Variants in PRKAR2B observed in about 807,000 individuals in gnomAD.
PRKAR2B encodes the protein protein kinase cAMP-dependent type II regulatory subunit beta, also known as cAMP-dependent protein kinase type II-beta regulatory subunit.
Under a neutral mutation model 49.9 loss-of-function variants are expected in PRKAR2B, and 14 were observed. The observed-to-expected ratio is 0.28, with a 90% CI of 0.19 to 0.44. The LOEUF (loss-of-function observed/expected upper bound fraction) is 0.44. Ranked by LOEUF, PRKAR2B falls within the 20% of genes least tolerant of loss-of-function variation. The pLI is 1.00. For synonymous variants in PRKAR2B, 196 were observed against 197.7 expected, an observed-to-expected ratio of 0.99 and a Z score of 0.07; for missense variants, 393 against 537.9, an observed-to-expected ratio of 0.73 and a Z score of 2.67.
intron 2 of PRKAR2B, among the ~76,000 whole-genome samples, chr7:107,071,716 C>T (rs909656580): frequency 2.0e-5 from 3 of 152,104 alleles, no homozygotes; most frequent in East Asian, 3.9e-4. Flanking sequence ...TACCTCAAAC[C>T]GTATGACATG....
chr7:107,057,065 C>T (rs898428439), intron 1 of PRKAR2B, among the ~76,000 whole-genome samples: 2 of 152,188 alleles, frequency 1.3e-5, no homozygotes, highest in African/African-American at 4.8e-5. Context: ...CCTGCTTTGT[C>T]CATTTCCATC....
chr7:107,099,607 CTGT>C (rs992761816), intron 2 of PRKAR2B, among the ~76,000 whole-genome samples: 1 of 151,668 alleles, frequency 6.6e-6, no homozygotes, highest in African/African-American at 2.4e-5. Context: ...TAGACTGGAG[CTGT>C]TCCTATTCGG....
chr7:107,074,089 A>G (rs1243672734), intron 2 of PRKAR2B, among the ~76,000 whole-genome samples: 1 of 152,022 alleles, frequency 6.6e-6, no homozygotes. Flanking sequence ...AAATAAAGTA[A>G]CAGAGAAATC....
intron 2 of PRKAR2B, among the ~76,000 whole-genome samples, chr7:107,111,174 C>G (rs1478800282): frequency 6.6e-6 from 1 of 152,052 alleles, no homozygotes; most frequent in Non-Finnish European, 1.5e-5. Context: ...GGGTGAGGTT[C>G]CTCTGCTTAA....
chr7:107,060,550 A>G (rs1184396340), intron 1 of PRKAR2B, among the ~76,000 whole-genome samples: 36 of 151,674 alleles, frequency 2.4e-4, no homozygotes. Context: ...ATTTTTTGCC[A>G]TTTTTCCCAT....
intron 2 of PRKAR2B, among the ~76,000 whole-genome samples, chr7:107,111,679 AT>A (rs1037614819): frequency 6.6e-5 from 10 of 152,220 alleles, no homozygotes; most frequent in South Asian, 2.1e-4. Flanking sequence ...ATTTATTTTA[AT>A]TTTTTTGTTG....
intron 1 of PRKAR2B, among the ~76,000 whole-genome samples, chr7:107,046,210 A>C (rs576835032): frequency 6.6e-6 from 1 of 152,206 alleles, no homozygotes; most frequent in Non-Finnish European, 1.5e-5. Context: ...TCTCATTTTT[A>C]TGGCAACCCA....
At chr7:107,146,822 G>T (rs1795902825) in intron 6 of PRKAR2B, among the ~76,000 whole-genome samples, 1 of 152,162 alleles carries the variant, frequency 6.6e-6, no homozygotes, top group Admixed American at 6.5e-5. Context: ...TGATAAAGTT[G>T]TGGCTCCCAG....
In PRKAR2B at chr7:107,045,156, C is replaced by T; in HGVS notation, c.249C>T (p.Ser83=). The T allele has an allele frequency of 6.7e-7, 1 of 1,495,718 alleles. No homozygotes were observed. Among genetic ancestry groups the T allele is most frequent in the Middle Eastern group, 2.4e-4 (1 of 4,212 alleles). The allele number at this position is 1,495,718 out of a possible 1,614,324, so 92.7% of individuals were successfully genotyped here. A position where few individuals can be genotyped will look rare whatever the true frequency, so the allele number is the denominator to read the frequency against. ...ACTTCGCCGAGGAGCCCATGCAGTC[C>T]GACTCCGAGGACGGGGAGGAGGAGG... ...GVNFAEEPMQ[S]DSEDGEEEEA... The change falls in exon 1 of 11, where the codon TCC becomes TCT. Residue 83 remains serine (S), a synonymous_variant. Coordinates refer to ENST00000265717, the MANE Select transcript of PRKAR2B (RefSeq NM_002736.3).
chr7:107,130,856 G>A (rs1032235898), intron 4 of PRKAR2B, among the ~76,000 whole-genome samples: 16 of 152,198 alleles, frequency 1.1e-4, no homozygotes, highest in Admixed American at 8.5e-4. Context: ...TACACTTAGA[G>A]GTAGGCTTTA....
At chr7:107,068,136 CACCTTTGTGGAAA>C (rs1794189503) in intron 1 of PRKAR2B, among the ~76,000 whole-genome samples, 1 of 152,130 alleles carries the variant, frequency 6.6e-6, no homozygotes, top group South Asian at 2.1e-4. Context: ...ATAGCGATGC[CACCTTTGTGGAAA>C]ACCTTTACCT....
intron 8 of PRKAR2B, among the ~76,000 whole-genome samples, chr7:107,153,578 T>TGC (rs1562873174): frequency 3.3e-5 from 5 of 152,232 alleles, no homozygotes; most frequent in Admixed American, 6.5e-5. Flanking sequence ...TGGAAAATTC[T>TGC]ATAGAGTTTT....
intron 1 of PRKAR2B, among the ~76,000 whole-genome samples, chr7:107,049,378 A>C (rs1356842206): frequency 1.3e-5 from 2 of 152,194 alleles, no homozygotes; most frequent in African/African-American, 4.8e-5. Flanking sequence ...CACATACCAA[A>C]AATATAGACT....
In PRKAR2B at chr7:107,065,735, T is replaced by C. The variant is rs947512516; in HGVS notation, c.308-4546T>C. 4.6e-5 allele frequency among the ~76,000 whole-genome samples: 7 copies of C among 152,304 alleles called. 1 individual carries two copies. The highest frequency in any genetic ancestry group is 4.6e-4 in the Admixed American group (7 of 15,294). On this transcript the variant is annotated intron_variant, in intron 1 of 10. Transcript: ENST00000265717. ...TGCTCTGTTTCCTTGCAGAGTTTAT[T>C]GATGCATTCTGCAGGTATTTACTCA...
intron 1 of PRKAR2B, chr7:107,068,920 AGTT>A (rs1794207326): frequency 6.6e-6 from 1 of 152,088 alleles, no homozygotes; most frequent in Non-Finnish European, 1.5e-5. Context: ...TGTACTCATC[AGTT>A]GTTTGAAGAT....
chr7:107,048,109 G>A (rs1166558161), intron 1 of PRKAR2B, among the ~76,000 whole-genome samples: 4 of 152,290 alleles, frequency 2.6e-5, no homozygotes, highest in African/African-American at 9.6e-5. Flanking sequence ...TGGGATACAG[G>A]TGGACCTGGC....
intron 2 of PRKAR2B, among the ~76,000 whole-genome samples, chr7:107,074,679 A>G (rs1038928312): frequency 3.9e-5 from 6 of 152,012 alleles, no homozygotes; most frequent in African/African-American, 1.4e-4. Context: ...GGCGCCTGTA[A>G]TCCAGCTACT....
At chr7:107,126,959 C>T (rs1584442318) in intron 3 of PRKAR2B, among the ~76,000 whole-genome samples, 1 of 152,086 alleles carries the variant, frequency 6.6e-6, no homozygotes, top group Admixed American at 6.5e-5. Flanking sequence ...CTCTTACTAG[C>T]TAGTAGTTCT....
intron 2 of PRKAR2B, among the ~76,000 whole-genome samples, chr7:107,112,041 G>T (rs74404644): frequency 7.0e-6 from 1 of 142,410 alleles, no homozygotes; most frequent in African/African-American, 2.6e-5. Context: ...AGGAACAGTC[G>T]TGTGCTCCTG....
Sources: allele counts gnomAD v4.1 joint callset (sites outside exome capture counted in the v4.1 genomes callset), GRCh38; gene constraint gnomAD v4.1.1; transcripts MANE v1.5; gene names NCBI Gene and HGNC (gene_info 2026-07-23, HGNC 2026-07-21).